Variants in CPSF3 observed in about 807,000 individuals in gnomAD.
CPSF3 encodes the protein cleavage and polyadenylation specificity factor subunit 3.
Under a neutral mutation model 84.1 loss-of-function variants are expected in CPSF3, and 57 were observed. The ratio of observed to expected loss-of-function variants is 0.68; its 90% CI spans 0.55 to 0.85. The LOEUF (loss-of-function observed/expected upper bound fraction) is 0.85. CPSF3 is among the 40% of genes least tolerant of loss of function. The pLI is 0.00. For missense variants in CPSF3, 522 were observed against 838.8 expected (o/e 0.62, Z 4.66); for synonymous variants, 275 against 278.1 (o/e 0.99, Z 0.11).
intron 11 of CPSF3, among the ~76,000 whole-genome samples, chr2:9,448,759 G>A (rs1004370532): frequency 2.6e-5 from 4 of 152,122 alleles, no homozygotes; most frequent in African/African-American, 9.7e-5. Flanking sequence ...GTTTCACCAC[G>A]TTGGCCAGGA....
chr2:9,468,285 ACAGTGGCATGATCTTGGCTCATTG>A (rs1343940755), intron 16 of CPSF3, among the ~76,000 whole-genome samples: 1 of 152,092 alleles, frequency 6.6e-6, no homozygotes, highest in African/African-American at 2.4e-5. Flanking sequence ...AGACTGGAAT[ACAGTGGCATGATCTTGGCTCATTG>A]CAGCCTTGAC....
intron 15 of CPSF3, 59 bp downstream of exon 15, chr2:9,459,677 AC>A: frequency 1.4e-6 from 1 of 695,570 alleles, no homozygotes. Context: ...GGAGACGGAT[AC>A]TAGCTCTGTC....
intron 16 of CPSF3, among the ~76,000 whole-genome samples, 183 bp from the exon 17 acceptor site, chr2:9,471,160 G>A (rs1378793469): frequency 6.6e-6 from 1 of 151,874 alleles, no homozygotes; most frequent in Non-Finnish European, 1.5e-5. Context: ...GTTGTAGTGA[G>A]CCAAGATTGT....
At chr2:9,452,115 G>C (rs909574185) in intron 11 of CPSF3, among the ~76,000 whole-genome samples, 1 of 152,078 alleles carries the variant, frequency 6.6e-6, no homozygotes, top group African/African-American at 2.4e-5. Context: ...GATCATCTGA[G>C]GTCAGGAGTT....
intron 17 of CPSF3, among the ~76,000 whole-genome samples, 154 bp from the exon 18 acceptor site, chr2:9,472,762 C>G (rs1682221857): frequency 6.6e-6 from 1 of 152,168 alleles, no homozygotes; most frequent in Admixed American, 6.5e-5. Context: ...CAGTGATCCT[C>G]CCACCTCAGA....
In CPSF3 at chr2:9,431,806, C is replaced by T. The variant is rs1426615712; in HGVS notation, c.342-705C>T. On this transcript the variant is annotated intron_variant, in intron 4 of 17. Coordinates refer to ENST00000238112, the MANE Select transcript of CPSF3 (RefSeq NM_016207.4). ...CCTCAGGTGATCTGTCTGTCTTGGCCTCCCAGAGTGCTGGGATTACAGGGT... is the reference window on the plus strand; with the variant it reads ...CCTCAGGTGATCTGTCTGTCTTGGCTTCCCAGAGTGCTGGGATTACAGGGT... Among the ~76,000 whole-genome samples, 4 of 152,152 alleles carry T rather than the reference C, an allele frequency of 2.6e-5. No homozygotes were observed. The South Asian group carries it at 8.3e-4, about 32-fold the overall frequency.
In CPSF3 at chr2:9,435,170, C is replaced by T. The variant is rs1390641971; in HGVS notation, c.610-1041C>T. 3.3e-5 allele frequency among the ~76,000 whole-genome samples: 5 copies of T among 152,148 alleles called. No homozygotes were observed. The East Asian group carries it at 7.7e-4, about 23-fold the overall frequency. On this transcript the variant is annotated intron_variant, in intron 6 of 17. Coordinates refer to ENST00000238112, the MANE Select transcript of CPSF3 (RefSeq NM_016207.4). ...ATCTGGGCTGGGGTCTGAGATTTTG[C>T]GCTTCTGATAAGCTCCCAAGGGATG...
intron 1 of CPSF3, chr2:9,424,133 A>G: frequency 4.5e-6 from 5 of 1,116,724 alleles, no homozygotes; most frequent in Non-Finnish European, 5.5e-6. Flanking sequence ...TTCACTTAGC[A>G]CAAGCACGGA....
In CPSF3 at chr2:9,447,030, A is replaced by G. The variant is rs1183425961; in HGVS notation, c.1243-1168A>G. 3.3e-5 allele frequency among the ~76,000 whole-genome samples: 5 copies of G among 152,050 alleles called. No homozygotes were observed. In the East Asian group the frequency reaches 9.7e-4, roughly 30 times the overall value. On this transcript the variant is annotated intron_variant, in intron 10 of 17. Coordinates refer to ENST00000238112, the MANE Select transcript of CPSF3 (RefSeq NM_016207.4). Reference sequence around the variant, plus strand: ...GTGGCTCATGCCTGTAGTCCCAGCTACCTGGGTGGCTAAGGTGGGAGGATT... The same window carrying G: ...GTGGCTCATGCCTGTAGTCCCAGCTGCCTGGGTGGCTAAGGTGGGAGGATT...
At chr2:9,442,847 C>T (rs760159237) in intron 9 of CPSF3, among the ~76,000 whole-genome samples, 2 of 146,436 alleles carry the variant, frequency 1.4e-5, no homozygotes, top group Non-Finnish European at 3.0e-5. Context: ...AGCAAGACTC[C>T]ATCTCCAAAA....
At chr2:9,457,757 T>C (rs958514999) in intron 14 of CPSF3, among the ~76,000 whole-genome samples, 2 of 152,084 alleles carry the variant, frequency 1.3e-5, no homozygotes. Flanking sequence ...TTCTAATTTT[T>C]TTTTTCTTTT....
At chr2:9,470,532 C>A (rs1267433484) in intron 16 of CPSF3, among the ~76,000 whole-genome samples, 1 of 152,250 alleles carries the variant, frequency 6.6e-6, no homozygotes, top group African/African-American at 2.4e-5. Flanking sequence ...CTCTCGATGA[C>A]AGAGGCAATG....
intron 3 of CPSF3, 42 bp from the exon 4 acceptor site, chr2:9,430,710 G>C: frequency 1.3e-6 from 2 of 1,574,602 alleles, no homozygotes; most frequent in Non-Finnish European, 1.7e-6. Context: ...GTATCTGATG[G>C]ATAATAATTT....
intron 10 of CPSF3, among the ~76,000 whole-genome samples, chr2:9,447,455 C>T (rs1274640802): frequency 1.3e-5 from 2 of 151,022 alleles, no homozygotes; most frequent in Admixed American, 6.6e-5. Context: ...CTCCAGCCTG[C>T]GCAACAGAGT....
At chr2:9,448,807 C>T (rs916992124) in intron 11 of CPSF3, among the ~76,000 whole-genome samples, 6 of 151,940 alleles carry the variant, frequency 3.9e-5, no homozygotes, top group Admixed American at 3.3e-4. Flanking sequence ...CACCCACCTC[C>T]GCCTCCCAAA....
At chr2:9,436,891 A>AT (rs1351032623) in intron 7 of CPSF3, among the ~76,000 whole-genome samples, 1 of 152,090 alleles carries the variant, frequency 6.6e-6, no homozygotes, top group African/African-American at 2.4e-5. Flanking sequence ...TGCCATCAGA[A>AT]GTCTTAAAAT....
chr2:9,451,716 C>CTTTT lies in CPSF3; in HGVS notation c.1396-1181_1396-1178dup, dbSNP rs35559032. Among the ~76,000 whole-genome samples the CTTTT allele has an allele frequency of 2.1e-4, 27 of 128,854 alleles. 1 individual carries two copies. Among genetic ancestry groups the CTTTT allele is most frequent in the African/African-American group, 7.4e-4 (25 of 33,770 alleles). 84.5% of individuals were successfully genotyped at this position (128,854 alleles called of 152,430 possible). On this transcript the variant is annotated intron_variant, in intron 11 of 17. Coordinates refer to ENST00000238112, the MANE Select transcript of CPSF3 (RefSeq NM_016207.4). Reference sequence around the variant, plus strand: ...GTCTCAGAAAAATAAATAAATGAAACTTTTTTTTTTTTTTTTTTTGAGAAA... The same window carrying CTTTT: ...GTCTCAGAAAAATAAATAAATGAAACTTTTTTTTTTTTTTTTTTTTTTTGAGAAA...
chr2:9,459,499 G>A (rs1274725580), intron 14 of CPSF3, 32 bp from the exon 15 acceptor site: 1 of 1,476,966 alleles, frequency 6.8e-7, no homozygotes, highest in Non-Finnish European at 9.5e-7. Context: ...CCCTAGGTAG[G>A]TCACTTCCTA....
intron 10 of CPSF3, among the ~76,000 whole-genome samples, chr2:9,447,955 C>T (rs1462626069): frequency 2.0e-5 from 3 of 152,124 alleles, no homozygotes; most frequent in African/African-American, 7.2e-5. Flanking sequence ...GTGGCAAAGA[C>T]TGGAGTAGAA....
Sources: allele counts gnomAD v4.1 joint callset (sites outside exome capture counted in the v4.1 genomes callset), GRCh38; gene constraint gnomAD v4.1.1; transcripts MANE v1.5; gene names NCBI Gene and HGNC (gene_info 2026-07-23, HGNC 2026-07-21).